Variants in CNOT6L observed in about 807,000 individuals in gnomAD.
CNOT6L encodes the protein CCR4-NOT transcription complex subunit 6-like.
In CNOT6L, 7 loss-of-function variants were observed where a neutral mutation model predicts 64.0. The ratio of observed to expected loss-of-function variants is 0.11; its 90% CI spans 0.06 to 0.21. The LOEUF (loss-of-function observed/expected upper bound fraction) is 0.21, where lower values mean the gene tolerates loss of function less well. Among genes scored for constraint, CNOT6L ranks in the 10% least tolerant of loss-of-function variants. The pLI, the probability that CNOT6L is intolerant of heterozygous loss-of-function variation, is 1.00. For synonymous variants in CNOT6L, 193 were observed against 243.4 expected, an observed-to-expected ratio of 0.79 and a Z score of 1.93; for missense variants, 245 against 669.0, an observed-to-expected ratio of 0.37 and a Z score of 6.99.
At chr4:77,773,014 C>A (rs1404408725) in intron 4 of CNOT6L, 67 bp downstream of exon 4, 2 of 986,438 alleles carry the variant, frequency 2.0e-6, no homozygotes, top group Non-Finnish European at 3.1e-6. Flanking sequence ...AAAACTTGAC[C>A]TTTTTAAAGG....
chr4:77,803,477 G>A (rs1731838076), intron 1 of CNOT6L, among the ~76,000 whole-genome samples: 2 of 152,128 alleles, frequency 1.3e-5, no homozygotes, highest in African/African-American at 2.4e-5. Context: ...AAAAAAGTGT[G>A]CAAAAGGTGT....
intron 11 of CNOT6L, among the ~76,000 whole-genome samples, chr4:77,723,418 C>A (rs1247186803): frequency 1.3e-5 from 2 of 152,170 alleles, no homozygotes; most frequent in African/African-American, 4.8e-5. Flanking sequence ...ACAATTGGAT[C>A]TGCATTTGAT....
chr4:77,735,134 T>C (rs192128251), intron 8 of CNOT6L, among the ~76,000 whole-genome samples: 3 of 152,268 alleles, frequency 2.0e-5, no homozygotes, highest in African/African-American at 7.2e-5. Context: ...AGTCCAGGGA[T>C]GTGGGCCCCT....
chr4:77,773,879 T>C (rs930261294), intron 3 of CNOT6L, among the ~76,000 whole-genome samples: 2 of 152,084 alleles, frequency 1.3e-5, no homozygotes, highest in African/African-American at 4.8e-5. Flanking sequence ...TTGAGCAGCC[T>C]ATAGGAAAAA....
At chr4:77,725,720 G>A (rs1010086582) in intron 11 of CNOT6L, among the ~76,000 whole-genome samples, 1 of 151,942 alleles carries the variant, frequency 6.6e-6, no homozygotes, top group Non-Finnish European at 1.5e-5. Context: ...GATATCAATG[G>A]AAAGTAGAAA....
intron 11 of CNOT6L, among the ~76,000 whole-genome samples, chr4:77,723,125 C>A (rs1721468921): frequency 6.6e-6 from 1 of 152,020 alleles, no homozygotes; most frequent in South Asian, 2.1e-4. Context: ...TTTGGGCACA[C>A]CCTCAGATTA....
chr4:77,716,847 C>A lies in CNOT6L; in HGVS notation c.*3584G>T, dbSNP rs529960613. The A allele has an allele frequency of 8.7e-4, 132 of 152,594 alleles. No homozygotes were observed. Among genetic ancestry groups the A allele is most frequent in the African/African-American group, 3.0e-3 (125 of 41,540 alleles). The allele number at this position is 152,594 out of a possible 1,614,324, so 9.5% of individuals were successfully genotyped here. On this transcript the variant is annotated 3_prime_UTR_variant, in exon 12 of 12. Transcript: ENST00000504123. ...GCTAATTAGTAAAATTAAATACCTGCCTATGAATATCAGAAAAGTAATTTG... is the reference window on the plus strand; with the variant it reads ...GCTAATTAGTAAAATTAAATACCTGACTATGAATATCAGAAAAGTAATTTG...
intron 1 of CNOT6L, among the ~76,000 whole-genome samples, chr4:77,815,806 C>T (rs1180236681): frequency 6.6e-6 from 1 of 152,110 alleles, no homozygotes; most frequent in Non-Finnish European, 1.5e-5. Flanking sequence ...TTGTATGAGT[C>T]CCTAAACAAC....
intron 4 of CNOT6L, among the ~76,000 whole-genome samples, chr4:77,766,771 A>C (rs1726875396): frequency 6.6e-6 from 1 of 151,804 alleles, no homozygotes; most frequent in African/African-American, 2.4e-5. Context: ...ACCTTAAAAA[A>C]TAAAACAGTT....
chr4:77,764,025 T>C (rs985651308), intron 4 of CNOT6L, among the ~76,000 whole-genome samples: 1 of 152,222 alleles, frequency 6.6e-6, no homozygotes, highest in South Asian at 2.1e-4. Flanking sequence ...TTTGAAAGTA[T>C]GTAAATCTAT....
intron 4 of CNOT6L, among the ~76,000 whole-genome samples, chr4:77,758,115 G>T (rs1483930977): frequency 6.6e-6 from 1 of 152,150 alleles, no homozygotes; most frequent in Non-Finnish European, 1.5e-5. Flanking sequence ...AGTCTGGTTG[G>T]TAGTTTCTAA....
intron 11 of CNOT6L, among the ~76,000 whole-genome samples, chr4:77,725,933 T>C (rs575480601): frequency 5.7e-4 from 87 of 151,878 alleles, no homozygotes; most frequent in African/African-American, 2.0e-3. Flanking sequence ...TTAGAAGTTT[T>C]TGTTATTATA....
In CNOT6L at chr4:77,715,421, T is replaced by C. The variant is rs76470870; in HGVS notation, c.*5010A>G. 1 of 152,102 alleles carries C rather than the reference T, an allele frequency of 6.6e-6. No homozygotes were observed. Among genetic ancestry groups the C allele is most frequent in the Non-Finnish European group, 1.5e-5 (1 of 68,010 alleles). 9.4% of individuals were successfully genotyped at this position (152,102 alleles called of 1,614,324 possible). On this transcript the variant is annotated 3_prime_UTR_variant, in exon 12 of 12. Coordinates refer to ENST00000504123, the MANE Select transcript of CNOT6L (RefSeq NM_144571.3). The stretch of plus-strand genomic sequence containing the variant: ...TAGGCTTTGAAAGTGAAAACTATTT[T>C]ACTTAAAAAATATTCTATTACTTCA...
chr4:77,724,593 T>C (rs1721628099), intron 11 of CNOT6L, among the ~76,000 whole-genome samples: 1 of 145,590 alleles, frequency 6.9e-6, no homozygotes, highest in Admixed American at 7.0e-5. Flanking sequence ...TGAGCAAAAA[T>C]CTTGCCACTG....
chr4:77,818,427 C>T (rs1733811935), intron 1 of CNOT6L, among the ~76,000 whole-genome samples: 1 of 151,912 alleles, frequency 6.6e-6, no homozygotes, highest in Admixed American at 6.6e-5. Context: ...TCAGCCCTTC[C>T]AAGAAAATGT....
intron 5 of CNOT6L, among the ~76,000 whole-genome samples, chr4:77,755,190 C>G (rs1725390591): frequency 6.9e-6 from 1 of 144,400 alleles, no homozygotes; most frequent in Admixed American, 7.0e-5. Flanking sequence ...ACACATATGG[C>G]TGGATTGACT....
chr4:77,721,695 G>A (rs1378926439), intron 11 of CNOT6L, among the ~76,000 whole-genome samples: 1 of 152,098 alleles, frequency 6.6e-6, no homozygotes, highest in Admixed American at 6.6e-5. Context: ...CAAGATTCAG[G>A]TGCAGTGTCT....
intron 6 of CNOT6L, among the ~76,000 whole-genome samples, chr4:77,745,670 G>A (rs1560584709): frequency 6.6e-6 from 1 of 152,184 alleles, no homozygotes; most frequent in African/African-American, 2.4e-5. Context: ...CTGCCTAGTA[G>A]AATCACTTTG....
At chr4:77,725,022 C>G (rs1163419445) in intron 11 of CNOT6L, among the ~76,000 whole-genome samples, 1 of 152,132 alleles carries the variant, frequency 6.6e-6, no homozygotes, top group Non-Finnish European at 1.5e-5. Context: ...AGAGCTTTTT[C>G]CCAAAAAGCT....
Sources: allele counts gnomAD v4.1 joint callset (sites outside exome capture counted in the v4.1 genomes callset), GRCh38; gene constraint gnomAD v4.1.1; transcripts MANE v1.5; gene names NCBI Gene and HGNC (gene_info 2026-07-23, HGNC 2026-07-21).